Variants in THSD7B observed in about 807,000 individuals in gnomAD.
THSD7B encodes the protein thrombospondin type-1 domain-containing protein 7B.
A neutral mutation model predicts 213.6 loss-of-function variants in THSD7B; 138 were observed. That is an observed-to-expected ratio of 0.65 (90% confidence interval 0.56 to 0.74). The LOEUF (loss-of-function observed/expected upper bound fraction) is 0.74, where lower values mean the gene tolerates loss of function less well. Among genes scored for constraint, THSD7B ranks in the 30% least tolerant of loss-of-function variants. The pLI, the probability that THSD7B is intolerant of heterozygous loss-of-function variation, is 0.00. For missense variants in THSD7B, 1,931 were observed against 1,991.5 expected (o/e 0.97, Z 0.58); for synonymous variants, 742 against 687.0 (o/e 1.08, Z -1.25).
At chr2:137,289,934 T>A (rs1573937362) in intron 12 of THSD7B, among the ~76,000 whole-genome samples, 2 of 152,104 alleles carry the variant, frequency 1.3e-5, no homozygotes, top group African/African-American at 4.8e-5. Flanking sequence ...AAATCCTTTT[T>A]TCTTTCTTCT....
chr2:137,255,128 A>G (rs551661352), intron 10 of THSD7B, among the ~76,000 whole-genome samples: 9 of 152,298 alleles, frequency 5.9e-5, no homozygotes, highest in Admixed American at 5.2e-4. Flanking sequence ...GAAGAATTCC[A>G]TCTTTTCCCA....
At chr2:137,236,206 G>A (rs1681758100) in intron 9 of THSD7B, among the ~76,000 whole-genome samples, 1 of 152,194 alleles carries the variant, frequency 6.6e-6, no homozygotes, top group Non-Finnish European at 1.5e-5. Context: ...ATATCCTAGA[G>A]AAAGAGTGGC....
At chr2:137,583,057 T>C (rs1309607484) in intron 17 of THSD7B, among the ~76,000 whole-genome samples, 2 of 152,222 alleles carry the variant, frequency 1.3e-5, no homozygotes, top group African/African-American at 4.8e-5. Flanking sequence ...TGATATCTCA[T>C]TGTGGTTTTG....
chr2:137,350,220 G>A (rs1052900695), intron 12 of THSD7B, among the ~76,000 whole-genome samples: 36 of 151,852 alleles, frequency 2.4e-4, no homozygotes, highest in African/African-American at 8.4e-4. Flanking sequence ...CAAAGGAAAA[G>A]TTCAGAGTAC....
rs529527149 is a variant in THSD7B, at chr2:136,896,310, A to G, written c.139+13993A>G. On this transcript the variant is annotated intron_variant, in intron 2 of 27. Coordinates refer to ENST00000409968, the MANE Select transcript of THSD7B (RefSeq NM_001316349.2). ...GTTCCTCATTGTGGTTTTAATTTGCATTTCACTATATCTTTGAAAGTATTA... is the reference window on the plus strand; with the variant it reads ...GTTCCTCATTGTGGTTTTAATTTGCGTTTCACTATATCTTTGAAAGTATTA... 7.9e-5 allele frequency among the ~76,000 whole-genome samples: 12 copies of G among 152,210 alleles called. 2 individuals are homozygous for G. The South Asian group carries it at 2.5e-3, about 32-fold the overall frequency.
At chr2:137,618,606 T>C in intron 19 of THSD7B, 99 bp downstream of exon 19, 2 of 1,079,866 alleles carry the variant, frequency 1.9e-6, no homozygotes, top group Non-Finnish European at 2.7e-6. Context: ...GACTGATTTC[T>C]TCTCATCTCA....
intron 3 of THSD7B, among the ~76,000 whole-genome samples, chr2:137,066,576 A>G (rs1199883377): frequency 1.3e-5 from 2 of 152,042 alleles, no homozygotes; most frequent in Admixed American, 6.6e-5. Context: ...TTCCTTCTCT[A>G]TAGGTAAGGT....
intron 12 of THSD7B, among the ~76,000 whole-genome samples, chr2:137,385,863 A>G (rs899957867): frequency 8.5e-5 from 13 of 152,222 alleles, no homozygotes; most frequent in Admixed American, 5.2e-4. Flanking sequence ...GCAGAAATAG[A>G]ACTAATTTAT....
chr2:137,239,861 G>A (rs1021261311), intron 9 of THSD7B, among the ~76,000 whole-genome samples: 1 of 152,190 alleles, frequency 6.6e-6, no homozygotes, highest in South Asian at 2.1e-4. Flanking sequence ...TCCGTGATCA[G>A]GGTGACCTCA....
At chr2:136,793,824 T>TC (rs1011238139) in intron 1 of THSD7B, among the ~76,000 whole-genome samples, 1 of 151,888 alleles carries the variant, frequency 6.6e-6, no homozygotes, top group Admixed American at 6.6e-5. Context: ...TTTTTTTTAT[T>TC]CCATAAGGGA....
At chr2:137,496,124 C>A (rs1679559786) in intron 15 of THSD7B, among the ~76,000 whole-genome samples, 1 of 152,034 alleles carries the variant, frequency 6.6e-6, no homozygotes, top group African/African-American at 2.4e-5. Flanking sequence ...TTTGAGCCAT[C>A]CTTTGAAATT....
rs71301798 is a variant in THSD7B, at chr2:136,895,514, C to CTTTT, written c.139+13220_139+13223dup. ...ACCAATGTTTTATGCCAAGTGGAGA[C>CTTTT]TTTTTTTTTTTTTTTTTTTTTTTTT... On this transcript the variant is annotated intron_variant, in intron 2 of 27. Coordinates refer to ENST00000409968, the MANE Select transcript of THSD7B (RefSeq NM_001316349.2). Among the ~76,000 whole-genome samples the CTTTT allele has an allele frequency of 4.7e-3, 346 of 73,908 alleles. 53 individuals are homozygous for CTTTT. The highest frequency in any genetic ancestry group is 0.017 in the East Asian group (30 of 1,732). The allele number at this position is 73,908 out of a possible 152,430, so 48.5% of individuals were successfully genotyped here. A position where few individuals can be genotyped will look rare whatever the true frequency, so the allele number is the denominator to read the frequency against.
At chr2:136,840,149 C>G (rs188146054) in intron 1 of THSD7B, among the ~76,000 whole-genome samples, 5 of 152,044 alleles carry the variant, frequency 3.3e-5, no homozygotes, top group African/African-American at 7.2e-5. Flanking sequence ...GAGGCTGAGG[C>G]GGGCAGATCA....
At chr2:137,645,757 G>A (rs1437480982) in intron 21 of THSD7B, among the ~76,000 whole-genome samples, 4 of 151,390 alleles carry the variant, frequency 2.6e-5, no homozygotes, top group Admixed American at 6.6e-5. Context: ...CAAATTTCAT[G>A]TATGTTACAG....
intron 2 of THSD7B, among the ~76,000 whole-genome samples, chr2:136,924,355 TTA>T (rs4017248): frequency 0.99 from 150,951 of 152,272 alleles, 74,838 homozygotes; most frequent in East Asian, 1. Flanking sequence ...TTAAATCTAC[TTA>T]TATTCTTACT....
chr2:136,937,627 T>A (rs150725180), intron 2 of THSD7B, among the ~76,000 whole-genome samples: 23 of 152,312 alleles, frequency 1.5e-4, no homozygotes, highest in African/African-American at 5.3e-4. Context: ...TACTATTTAA[T>A]AAAATATTAC....
intron 5 of THSD7B, among the ~76,000 whole-genome samples, chr2:137,146,298 T>C (rs1679701826): frequency 6.6e-6 from 1 of 152,020 alleles, no homozygotes. Flanking sequence ...TGCACTGTAG[T>C]CAAATTAAAA....
At chr2:137,391,296 A>T (rs1163356100) in intron 12 of THSD7B, among the ~76,000 whole-genome samples, 1 of 151,894 alleles carries the variant, frequency 6.6e-6, no homozygotes, top group Non-Finnish European at 1.5e-5. Flanking sequence ...CTGTGGTATC[A>T]GTTGTTATGT....
rs925588258 is a variant in THSD7B at position 137,531,354 on chromosome 2, C to T, written c.3139-31867C>T. 2.6e-5 allele frequency among the ~76,000 whole-genome samples: 4 copies of T among 151,942 alleles called. No individual in the cohort carries two copies. In the South Asian group the frequency reaches 6.2e-4, roughly 24 times the overall value. ...TCTGACACTGATGCCCTTGACACAT[C>T]GTTTTGTTGAGCAAAGTAAGGATAT... On this transcript the variant is annotated intron_variant, in intron 15 of 27. Coordinates refer to ENST00000409968, the MANE Select transcript of THSD7B (RefSeq NM_001316349.2).
Sources: gnomAD v4.1 joint callset for allele counts (sites outside exome capture counted in the v4.1 genomes callset) on GRCh38, gnomAD v4.1.1 for gene constraint, MANE v1.5 for transcripts, NCBI Gene and HGNC (gene_info 2026-07-23, HGNC 2026-07-21) for gene names.